The following CDH13 variants were observed in gnomAD, a reference collection of about 807,000 sequenced individuals.
CDH13 encodes the protein cadherin-13.
Under a neutral mutation model 63.8 loss-of-function variants are expected in CDH13, and 24 were observed. That is an observed-to-expected ratio of 0.38 (90% CI 0.27 to 0.53). CDH13 has a LOEUF of 0.53. Ranked by LOEUF, CDH13 falls within the 20% of genes least tolerant of loss-of-function variation. The pLI is 0.85. For synonymous variants in CDH13, 503 were observed against 355.3 expected (o/e 1.42, Z -4.67); for missense variants, 1,049 against 903.1 (o/e 1.16, Z -2.07).
chr16:83,264,966 A>C (rs1245642119), intron 5 of CDH13, among the ~76,000 whole-genome samples: 1 of 152,134 alleles, frequency 6.6e-6, no homozygotes, highest in Non-Finnish European at 1.5e-5. Flanking sequence ...TACGACTCTG[A>C]TAGAATTTTC....
chr16:83,585,291 G>A (rs1233251428), intron 7 of CDH13, among the ~76,000 whole-genome samples: 3 of 152,100 alleles, frequency 2.0e-5, no homozygotes, highest in Non-Finnish European at 2.9e-5. Flanking sequence ...TCAGGATATG[G>A]CAAAGTAAGA....
At chr16:82,994,292 T>C in intron 2 of CDH13, among the ~76,000 whole-genome samples, 1 of 152,172 alleles carries the variant, frequency 6.6e-6, no homozygotes, top group East Asian at 1.9e-4. Flanking sequence ...CTCTAACTCC[T>C]CCTCATCCTG....
chr16:83,323,315 G>T (rs2090283216), intron 5 of CDH13, among the ~76,000 whole-genome samples: 2 of 117,286 alleles, frequency 1.7e-5, no homozygotes, highest in African/African-American at 3.2e-5. Context: ...CGCTTTTTTT[G>T]CCCATGCTGG....
chr16:83,171,684 TG>T, intron 4 of CDH13: 1 of 830,744 alleles, frequency 1.2e-6, no homozygotes, highest in Non-Finnish European at 2.0e-6. Context: ...GCATGCTCTT[TG>T]GCAGGCACGC....
chr16:83,492,133 T>C (rs1470355354), intron 7 of CDH13, among the ~76,000 whole-genome samples: 1 of 152,118 alleles, frequency 6.6e-6, no homozygotes, highest in African/African-American at 2.4e-5. Flanking sequence ...TCACGTAGCA[T>C]GCATCTCCAG....
intron 2 of CDH13, among the ~76,000 whole-genome samples, chr16:82,881,801 C>T (rs1007478519): frequency 6.6e-6 from 1 of 151,972 alleles, no homozygotes; most frequent in African/African-American, 2.4e-5. Flanking sequence ...TCTGAGTGTC[C>T]CCCTGCGATA....
At chr16:83,039,677 G>C (rs1294161375) in intron 3 of CDH13, among the ~76,000 whole-genome samples, 2 of 152,116 alleles carry the variant, frequency 1.3e-5, no homozygotes, top group African/African-American at 4.8e-5. Context: ...CTGGCGCAGA[G>C]TATTCAGTGG....
chr16:83,180,947 T>G (rs974128807), intron 4 of CDH13: 12 of 1,531,760 alleles, frequency 7.8e-6, no homozygotes, highest in Non-Finnish European at 1.0e-5. Flanking sequence ...GCATTACAAT[T>G]TTAGCAATTT....
At chr16:82,789,335 A>G (rs372998262) in intron 1 of CDH13, among the ~76,000 whole-genome samples, 1 of 152,146 alleles carries the variant, frequency 6.6e-6, no homozygotes, top group African/African-American at 2.4e-5. Context: ...TGAACTCATG[A>G]AGGGAGGGTC....
At chr16:83,073,715 A>G (rs189517444) in intron 3 of CDH13, among the ~76,000 whole-genome samples, 45 of 152,190 alleles carry the variant, frequency 3.0e-4, no homozygotes, top group African/African-American at 1.0e-3. Flanking sequence ...AAGTTTTAAG[A>G]TATGATCATA....
chr16:82,638,825 C>CGCGCGCGT (rs1317668459), intron 1 of CDH13, among the ~76,000 whole-genome samples: 11 of 43,532 alleles, frequency 2.5e-4, no homozygotes, highest in South Asian at 7.5e-4. Context: ...GCAGTGTGTG[C>CGCGCGCGT]GTGTGTGCGT....
intron 7 of CDH13, among the ~76,000 whole-genome samples, chr16:83,563,243 A>G (rs2075738791): frequency 6.6e-6 from 1 of 152,230 alleles, no homozygotes; most frequent in African/African-American, 2.4e-5. Context: ...GGGAAGCATT[A>G]CTAAATTATG....
At chr16:83,575,172 G>C (rs913789846) in intron 7 of CDH13, among the ~76,000 whole-genome samples, 8 of 152,198 alleles carry the variant, frequency 5.3e-5, no homozygotes, top group Non-Finnish European at 1.2e-4. Flanking sequence ...GGTGACTGCT[G>C]ATGGATATGG....
chr16:83,434,882 T>A, intron 6 of CDH13, among the ~76,000 whole-genome samples: 1 of 143,686 alleles, frequency 7.0e-6, no homozygotes, highest in South Asian at 2.2e-4. Context: ...TGTGTGTGTG[T>A]ATGTGTATTT....
chr16:82,824,256 T>C (rs2038137127), intron 1 of CDH13: 1 of 152,022 alleles, frequency 6.6e-6, no homozygotes, highest in Non-Finnish European at 1.5e-5. Context: ...AAATTATTTA[T>C]AGGTTACCTT....
intron 6 of CDH13, among the ~76,000 whole-genome samples, chr16:83,416,772 A>C (rs2071561799): frequency 6.6e-6 from 1 of 152,182 alleles, no homozygotes; most frequent in African/African-American, 2.4e-5. Flanking sequence ...CTGAGATTCA[A>C]ATCCTGGCTC....
chr16:83,375,527 C>G (rs772119437), intron 6 of CDH13, among the ~76,000 whole-genome samples: 1 of 152,142 alleles, frequency 6.6e-6, no homozygotes, highest in African/African-American at 2.4e-5. Flanking sequence ...AAGACAAAAT[C>G]AGATCTTTAA....
chr16:83,360,404 C>A (rs952029912), intron 6 of CDH13, among the ~76,000 whole-genome samples: 1 of 152,024 alleles, frequency 6.6e-6, no homozygotes, highest in Non-Finnish European at 1.5e-5. Context: ...GAGCCTTCTA[C>A]AATTTTAGTT....
chr16:82,812,841 C>G (rs953173137), intron 1 of CDH13, among the ~76,000 whole-genome samples: 1 of 99,142 alleles, frequency 1.0e-5, no homozygotes, highest in African/African-American at 5.3e-5. Flanking sequence ...CTTCCTTCCT[C>G]CCTTCTTTCC....
Sources: allele counts gnomAD v4.1 joint callset (sites outside exome capture counted in the v4.1 genomes callset), GRCh38; gene constraint gnomAD v4.1.1; transcripts MANE v1.5; gene names NCBI Gene and HGNC (gene_info 2026-07-23, HGNC 2026-07-21).